TPRG1: variants seen among roughly 807,000 people sequenced by gnomAD.
TPRG1 encodes the protein tumor protein p63 regulated 1.
TPRG1 carries 29 observed loss-of-function variants against 29.3 expected under a neutral mutation model. The observed-to-expected ratio is 0.99, with a 90% confidence interval of 0.74 to 1.35. The LOEUF (loss-of-function observed/expected upper bound fraction) is 1.35. Ranked by LOEUF, TPRG1 falls within the 40% of genes most tolerant of loss-of-function variation. The pLI is 0.00. For synonymous variants in TPRG1, 130 were observed against 116.8 expected (o/e 1.11, Z -0.73); for missense variants, 327 against 335.0 (o/e 0.98, Z 0.19).
intron 3 of TPRG1, among the ~76,000 whole-genome samples, chr3:189,013,742 T>C (rs1222824332): frequency 6.6e-6 from 1 of 152,140 alleles, no homozygotes; most frequent in East Asian, 1.9e-4. Context: ...GTTAGCTCTA[T>C]GCTACATATA....
intron 3 of TPRG1, among the ~76,000 whole-genome samples, chr3:189,013,971 C>G (rs1377641266): frequency 6.6e-6 from 1 of 152,086 alleles, no homozygotes; most frequent in Non-Finnish European, 1.5e-5. Flanking sequence ...GCCACTCTGT[C>G]TTTTCATTGG....
intron 4 of TPRG1, among the ~76,000 whole-genome samples, chr3:189,259,660 G>C (rs1299075062): frequency 6.6e-6 from 1 of 151,650 alleles, no homozygotes; most frequent in Admixed American, 6.6e-5. Flanking sequence ...GGTAGAGACG[G>C]GGTTTCAGCA....
At chr3:189,185,283 G>A (rs1730766123) in intron 1 of TPRG1, among the ~76,000 whole-genome samples, 1 of 152,152 alleles carries the variant, frequency 6.6e-6, no homozygotes, top group African/African-American at 2.4e-5. Context: ...GAGTGCAGTA[G>A]CACAATCACG....
intron 4 of TPRG1, among the ~76,000 whole-genome samples, chr3:189,063,462 C>A (rs928467261): frequency 1.3e-5 from 2 of 151,990 alleles, no homozygotes; most frequent in African/African-American, 2.4e-5. Context: ...GCAGAATAAA[C>A]TTTTTTTCAA....
intron 1 of TPRG1, among the ~76,000 whole-genome samples, chr3:189,172,722 A>G (rs544250986): frequency 6.6e-6 from 1 of 152,386 alleles, no homozygotes; most frequent in East Asian, 1.9e-4. Context: ...GGCTGTTTTT[A>G]GAGAACAAAC....
intron 4 of TPRG1, among the ~76,000 whole-genome samples, chr3:189,239,364 T>TC (rs1165958796): frequency 6.6e-6 from 1 of 152,048 alleles, no homozygotes; most frequent in Admixed American, 6.6e-5. Context: ...TTCAATTACC[T>TC]CCCCCTGGTT....
upstream of TPRG1, among the ~76,000 whole-genome samples, chr3:189,171,364 AT>A (rs1728790652): frequency 6.6e-6 from 1 of 152,272 alleles, no homozygotes. Flanking sequence ...TTAATGGATC[AT>A]CATTAATTCA....
intron 1 of TPRG1, among the ~76,000 whole-genome samples, chr3:189,125,142 AG>A (rs1351028810): frequency 6.6e-6 from 1 of 152,200 alleles, no homozygotes; most frequent in Non-Finnish European, 1.5e-5. Context: ...TCAGACAAAA[AG>A]TTTTCTTATT....
intron 1 of TPRG1, among the ~76,000 whole-genome samples, chr3:189,199,873 C>T (rs767216034): frequency 2.6e-4 from 40 of 152,110 alleles, no homozygotes; most frequent in Non-Finnish European, 5.0e-4. Flanking sequence ...GTGCGAGACT[C>T]CATCTCAAAA....
intron 5 of TPRG1, among the ~76,000 whole-genome samples, chr3:189,166,427 A>G (rs1211738993): frequency 3.3e-5 from 5 of 152,228 alleles, no homozygotes; most frequent in African/African-American, 1.2e-4. Flanking sequence ...GACAACCTAG[A>G]AGAGACCTCA....
chr3:189,159,919 T>G (rs1486923340), intron 5 of TPRG1, among the ~76,000 whole-genome samples: 1 of 151,812 alleles, frequency 6.6e-6, no homozygotes, highest in African/African-American at 2.4e-5. Context: ...TCATCAGTTT[T>G]CACGAGCATT....
At chr3:189,196,700 T>G (rs1732588999) in intron 1 of TPRG1, among the ~76,000 whole-genome samples, 1 of 152,078 alleles carries the variant, frequency 6.6e-6, no homozygotes, top group Non-Finnish European at 1.5e-5. Context: ...GAGATTTGGG[T>G]GGGGACACAG....
intron 1 of TPRG1, among the ~76,000 whole-genome samples, chr3:189,172,441 G>T (rs543933238): frequency 2.0e-5 from 3 of 152,156 alleles, no homozygotes; most frequent in Non-Finnish European, 4.4e-5. Flanking sequence ...TGGTGGCTTA[G>T]TGAACTGAAG....
chr3:189,006,624 T>G (rs1192809955), intron 3 of TPRG1, among the ~76,000 whole-genome samples: 1 of 151,944 alleles, frequency 6.6e-6, no homozygotes, highest in African/African-American at 2.4e-5. Flanking sequence ...CAAGAAAGTG[T>G]GTGGAGTGGT....
intron 1 of TPRG1, among the ~76,000 whole-genome samples, chr3:189,122,155 T>A (rs1721902528): frequency 6.6e-6 from 1 of 152,162 alleles, no homozygotes; most frequent in South Asian, 2.1e-4. Flanking sequence ...TCCTTCTTTC[T>A]TTCACTTTCT....
chr3:189,088,968 ATATCTATCTATC>A (rs36139441), intron 4 of TPRG1, among the ~76,000 whole-genome samples: 5,011 of 148,972 alleles, frequency 0.034, 265 homozygotes, highest in African/African-American at 0.11. Flanking sequence ...GTATCTATTG[ATATCTATCTATC>A]TATCTATCTA....
chr3:189,068,167 G>A (rs984701307), intron 4 of TPRG1, among the ~76,000 whole-genome samples: 10 of 152,070 alleles, frequency 6.6e-5, no homozygotes, highest in African/African-American at 2.2e-4. Context: ...AGAGGCAATT[G>A]CTGGCAAGAA....
chr3:189,161,994 C>G (rs1319564089), intron 5 of TPRG1, among the ~76,000 whole-genome samples: 1 of 151,544 alleles, frequency 6.6e-6, no homozygotes, highest in Non-Finnish European at 1.5e-5. Context: ...CGGGACCATT[C>G]TTTTTTTTCT....
chr3:189,089,860 A>T lies in TPRG1; in HGVS notation c.-462-37197A>T, dbSNP rs182271163. On this transcript the variant is annotated intron_variant, in intron 4 of 10. Coordinates refer to the TPRG1 transcript ENST00000433971. ...TTTGGAGGGGACAAACATTTAAACCATAGCAACTGATAATAATATTTTTTA... is the reference window on the plus strand; with the variant it reads ...TTTGGAGGGGACAAACATTTAAACCTTAGCAACTGATAATAATATTTTTTA... 2.1e-4 allele frequency among the ~76,000 whole-genome samples: 32 copies of T among 152,296 alleles called. No individual in the cohort carries two copies. The East Asian group carries it at 6.0e-3, about 28-fold the overall frequency.
Sources: gnomAD v4.1 joint callset for allele counts (sites outside exome capture counted in the v4.1 genomes callset) on GRCh38, gnomAD v4.1.1 for gene constraint, MANE v1.5 for transcripts, NCBI Gene and HGNC (gene_info 2026-07-23, HGNC 2026-07-21) for gene names.